ZBED6: variants seen among roughly 807,000 people sequenced by gnomAD.
ZBED6 encodes zinc finger BED domain-containing protein 6.
Under a neutral mutation model 58.4 loss-of-function variants are expected in ZBED6, and 40 were observed. The ratio of observed to expected loss-of-function variants is 0.68; its 90% CI spans 0.53 to 0.89. The LOEUF (loss-of-function observed/expected upper bound fraction) is 0.89. Ranked by LOEUF, ZBED6 falls within the 40% of genes least tolerant of loss-of-function variation. The pLI is 0.00. For missense variants in ZBED6, 1,057 were observed against 1,003.9 expected (o/e 1.05, Z -0.71); for synonymous variants, 439 against 350.6 (o/e 1.25, Z -2.82).
intron 11 of ZBED6, among the ~76,000 whole-genome samples, 174 bp from the exon 12 acceptor site, chr1:203,847,010 A>AAAAAAG (rs1157879270): frequency 6.6e-6 from 1 of 152,050 alleles, no homozygotes; most frequent in East Asian, 1.9e-4. Context: ...GTCTTAAAAA[A>AAAAAAG]AAAAAGAAAA....
chr1:203,854,109 C>G (rs1049578779), exon 17 of ZBED6: 4 of 152,606 alleles, frequency 2.6e-5, no homozygotes, highest in African/African-American at 9.7e-5. Flanking sequence ...TTAAATAAAA[C>G]TGATGTAGGA....
chr1:203,811,450 T>C (rs184839172), intron 1 of ZBED6, among the ~76,000 whole-genome samples: 10 of 152,336 alleles, frequency 6.6e-5, no homozygotes, highest in Admixed American at 5.9e-4. Context: ...GTTTCAAATA[T>C]GTTCTTTGGA....
At chr1:203,798,947 T>C (rs1404849036) in exon 1 of ZBED6, 59 of 1,536,006 alleles carry the variant, frequency 3.8e-5, no homozygotes, top group Non-Finnish European at 4.4e-5. Flanking sequence ...TAGAGAATGT[T>C]CAAAGCCAAA....
At chr1:203,849,853 A>G (rs759425132) in exon 14 of ZBED6, 10 of 1,613,940 alleles carry the variant, frequency 6.2e-6, no homozygotes, top group Non-Finnish European at 8.5e-6. Context: ...GCCTCTTGCA[A>G]TACCCAAGTG....
intron 1 of ZBED6, among the ~76,000 whole-genome samples, chr1:203,811,840 A>C (rs958641522): frequency 6.9e-6 from 1 of 145,894 alleles, no homozygotes. Flanking sequence ...TTTTTTTTAG[A>C]CAGGTCTCAC....
intron 3 of ZBED6, among the ~76,000 whole-genome samples, chr1:203,820,285 G>A (rs1479691874): frequency 1.3e-5 from 2 of 151,380 alleles, no homozygotes; most frequent in Non-Finnish European, 2.9e-5. Flanking sequence ...TAGTTGTCAC[G>A]ACTAGTTTTG....
exon 1 of ZBED6, chr1:203,798,862 C>T: frequency 6.5e-7 from 1 of 1,536,060 alleles, no homozygotes; most frequent in Non-Finnish European, 8.7e-7. Flanking sequence ...TATAGGTTGC[C>T]ATCAGAGACT....
At chr1:203,829,302 C>T (rs1273295696) in intron 4 of ZBED6, 149 bp from the exon 5 acceptor site, 6 of 752,132 alleles carry the variant, frequency 8.0e-6, no homozygotes, top group African/African-American at 3.5e-5. Flanking sequence ...CATCTTTTCC[C>T]TCCCTGGGAC....
intron 1 of ZBED6, among the ~76,000 whole-genome samples, chr1:203,815,379 CTTTTTT>C (rs397711285): frequency 1.0e-5 from 1 of 96,914 alleles, no homozygotes; most frequent in Non-Finnish European, 1.9e-5. Context: ...CCACACCCAG[CTTTTTT>C]TTTTTTTTTT....
chr1:203,811,988 A>G (rs536244102), intron 1 of ZBED6, among the ~76,000 whole-genome samples: 9 of 147,398 alleles, frequency 6.1e-5, no homozygotes, highest in African/African-American at 2.3e-4. Flanking sequence ...GCTAATTTTT[A>G]TATTTTTTGA....
At chr1:203,840,228 C>A in intron 10 of ZBED6, 78 bp from the exon 11 acceptor site, 1 of 1,422,612 alleles carries the variant, frequency 7.0e-7, no homozygotes, top group Non-Finnish European at 9.9e-7. Flanking sequence ...TGTATGCCAC[C>A]ATGCCCAGCA....
intron 1 of ZBED6, among the ~76,000 whole-genome samples, chr1:203,803,467 A>G (rs1378030836): frequency 6.6e-6 from 1 of 152,238 alleles, no homozygotes; most frequent in African/African-American, 2.4e-5. Context: ...CTGGGATTAC[A>G]GGCATGAGCC....
intron 15 of ZBED6, 72 bp downstream of exon 15, chr1:203,850,753 A>G: frequency 6.5e-7 from 1 of 1,548,932 alleles, no homozygotes; most frequent in Non-Finnish European, 8.8e-7. Flanking sequence ...ACTCTCCACT[A>G]GCATTCTATC....
At chr1:203,825,435 T>C (rs1680198852) in intron 3 of ZBED6, among the ~76,000 whole-genome samples, 1 of 143,602 alleles carries the variant, frequency 7.0e-6, no homozygotes. Flanking sequence ...AGGATTTTTT[T>C]TTTTTTTTTT....
At chr1:203,801,321 A>G (rs1472126731) in exon 1 of ZBED6, 1 of 152,190 alleles carries the variant, frequency 6.6e-6, no homozygotes, top group African/African-American at 2.4e-5. Flanking sequence ...ATGACCCATT[A>G]TACTGTATTA....
chr1:203,811,838 A>T (rs1315663737), intron 1 of ZBED6, among the ~76,000 whole-genome samples: 244 of 134,500 alleles, frequency 1.8e-3, no homozygotes, highest in African/African-American at 6.2e-3. Flanking sequence ...TTTTTTTTTT[A>T]GACAGGTCTC....
intron 3 of ZBED6, among the ~76,000 whole-genome samples, chr1:203,823,188 T>A (rs886432108): frequency 6.6e-6 from 1 of 152,180 alleles, no homozygotes; most frequent in Non-Finnish European, 1.5e-5. Context: ...TTCTCTAGGA[T>A]GTATTCAGAG....
chr1:203,812,578 A>ATTTTTTTTTTTTTTTTTTTTTTT (rs386369376), intron 1 of ZBED6, among the ~76,000 whole-genome samples: 1 of 109,316 alleles, frequency 9.1e-6, no homozygotes, highest in Non-Finnish European at 1.8e-5. Flanking sequence ...GCCATTCTAA[A>ATTTTTTTTTTTTTTTTTTTTTTT]TTTTTTTTTT....
intron 9 of ZBED6, among the ~76,000 whole-genome samples, chr1:203,836,770 C>T (rs1046488418): frequency 6.0e-5 from 9 of 150,806 alleles, no homozygotes; most frequent in African/African-American, 2.2e-4. Flanking sequence ...AATGAGACTC[C>T]GTCTCAGAAA....
Sources: allele counts gnomAD v4.1 joint callset (sites outside exome capture counted in the v4.1 genomes callset), GRCh38; gene constraint gnomAD v4.1.1; transcripts MANE v1.5; gene names NCBI Gene and HGNC (gene_info 2026-07-23, HGNC 2026-07-21).